Variants in ITSN1 observed in about 807,000 individuals in gnomAD.
ITSN1 encodes intersectin-1.
In ITSN1, 58 loss-of-function variants were observed where a neutral mutation model predicts 239.8. That is an observed-to-expected ratio of 0.24 (90% CI 0.20 to 0.30). The LOEUF is 0.30. Among genes scored for constraint, ITSN1 ranks in the 10% least tolerant of loss-of-function variants. The probability of loss-of-function intolerance (pLI) is 1.00; values close to 1 mark genes in which losing one functional copy is unlikely to be tolerated. For missense variants in ITSN1, 1,558 were observed against 2,103.3 expected, an observed-to-expected ratio of 0.74 and a Z score of 5.07; for synonymous variants, 780 against 770.8, an observed-to-expected ratio of 1.01 and a Z score of -0.20.
At chr21:33,851,490 C>T (rs891361722) in intron 29 of ITSN1, among the ~76,000 whole-genome samples, 20 of 151,794 alleles carry the variant, frequency 1.3e-4, no homozygotes, top group Admixed American at 3.3e-4. Context: ...CCTCCACCTC[C>T]TGGGTTCAAG....
chr21:33,683,654 T>G (rs751094061), intron 1 of ITSN1, among the ~76,000 whole-genome samples: 1 of 152,212 alleles, frequency 6.6e-6, no homozygotes, highest in East Asian at 1.9e-4. Context: ...ATTGAATTCC[T>G]TATAAATATG....
At chr21:33,685,689 T>G (rs1197051167) in intron 1 of ITSN1, among the ~76,000 whole-genome samples, 1 of 152,124 alleles carries the variant, frequency 6.6e-6, no homozygotes, top group African/African-American at 2.4e-5. Context: ...ACTCATTCTT[T>G]GTTGTTAAAC....
In ITSN1 at chr21:33,647,021, C is replaced by T. The variant is rs553586044; in HGVS notation, c.-33+4308C>T. Among the ~76,000 whole-genome samples, 15 of 151,882 alleles carry T rather than the reference C, an allele frequency of 9.9e-5. No individual in the cohort carries two copies. The South Asian group carries it at 3.1e-3, about 32-fold the overall frequency. ...GAAAAAAAAAAGTTTATTGCTAACT[C>T]CTTGGTACTATGTATAATTTTTTTA... On this transcript the variant is annotated intron_variant, in intron 1 of 39. Coordinates refer to ENST00000381318, the MANE Select transcript of ITSN1 (RefSeq NM_003024.3).
intron 31 of ITSN1, among the ~76,000 whole-genome samples, chr21:33,863,345 C>T (rs771063203): frequency 6.6e-6 from 1 of 152,196 alleles, no homozygotes; most frequent in Non-Finnish European, 1.5e-5. Context: ...TCTCCTTCAT[C>T]CTTTAATAAA....
At chr21:33,867,379 T>C (rs373083395) in intron 33 of ITSN1, 48 bp downstream of exon 33, 1 of 1,025,800 alleles carries the variant, frequency 9.7e-7, no homozygotes, top group African/African-American at 1.6e-5. Context: ...TTTCTCTGCA[T>C]TGGAGAGGGC....
intron 39 of ITSN1, among the ~76,000 whole-genome samples, chr21:33,887,922 A>C (rs1316925632): frequency 2.0e-5 from 3 of 149,134 alleles, no homozygotes; most frequent in East Asian, 2.0e-4. Flanking sequence ...TCTAATTCTG[A>C]GAGATAAAGG....
At chr21:33,858,092 T>A (rs1435343049) in intron 30 of ITSN1, among the ~76,000 whole-genome samples, 1 of 152,078 alleles carries the variant, frequency 6.6e-6, no homozygotes. Flanking sequence ...GAGGGGCTCA[T>A]TCATTTTCCA....
intron 8 of ITSN1, among the ~76,000 whole-genome samples, chr21:33,761,338 A>G (rs1351833663): frequency 6.6e-6 from 1 of 151,884 alleles, no homozygotes; most frequent in Non-Finnish European, 1.5e-5. Context: ...GAATGCTGGG[A>G]TTACAGGCAC....
intron 29 of ITSN1, among the ~76,000 whole-genome samples, chr21:33,844,646 C>G (rs1349281241): frequency 1.3e-5 from 2 of 152,036 alleles, no homozygotes; most frequent in East Asian, 3.9e-4. Flanking sequence ...GTGTGCACCC[C>G]CAAGATGCCT....
chr21:33,816,427 A>G (rs1399826836), intron 22 of ITSN1, among the ~76,000 whole-genome samples: 1 of 152,180 alleles, frequency 6.6e-6, no homozygotes, highest in Non-Finnish European at 1.5e-5. Context: ...GCTAAACTTT[A>G]ATAGCCTTTT....
intron 1 of ITSN1, among the ~76,000 whole-genome samples, chr21:33,679,641 G>GA (rs2146494869): frequency 6.7e-6 from 1 of 148,896 alleles, no homozygotes; most frequent in South Asian, 2.1e-4. Context: ...TTTTTGCCTT[G>GA]AAAGGCTTAT....
At chr21:33,709,144 C>G (rs991297245) in intron 1 of ITSN1, among the ~76,000 whole-genome samples, 8 of 152,108 alleles carry the variant, frequency 5.3e-5, no homozygotes. Context: ...ATCAGCTTGC[C>G]GATTTCTGCC....
chr21:33,844,974 C>T (rs1209676586), intron 29 of ITSN1, among the ~76,000 whole-genome samples: 2 of 152,078 alleles, frequency 1.3e-5, no homozygotes, highest in African/African-American at 4.8e-5. Flanking sequence ...CTGTGTGGCC[C>T]ATGAGCCCAG....
Position 33,765,501 on chromosome 21 carries a change from T to A in ITSN1, c.789-374T>A, listed in dbSNP as rs370770939. ...GATCATGACTGCAGTGAGTCTGCAG[T>A]GAGCTGTGATCATGACTGCAGTGAG... On this transcript the variant is annotated intron_variant, in intron 9 of 39. Coordinates refer to ENST00000381318, the MANE Select transcript of ITSN1 (RefSeq NM_003024.3). Among the ~76,000 whole-genome samples, 24 of 152,248 alleles carry A rather than the reference T, an allele frequency of 1.6e-4. No homozygotes were observed. The South Asian group carries it at 4.6e-3, about 29-fold the overall frequency.
chr21:33,725,407 T>G (rs2065769534), intron 4 of ITSN1, among the ~76,000 whole-genome samples: 1 of 152,072 alleles, frequency 6.6e-6, no homozygotes, highest in Non-Finnish European at 1.5e-5. Flanking sequence ...GTGCTGGGAT[T>G]ACAGGCGTGA....
At chr21:33,768,123 C>G (rs910682181) in intron 11 of ITSN1, among the ~76,000 whole-genome samples, 1 of 152,098 alleles carries the variant, frequency 6.6e-6, no homozygotes, top group East Asian at 1.9e-4. Flanking sequence ...GAATATACAG[C>G]ACTAAAAACT....
chr21:33,692,629 T>A (rs2091599739), intron 1 of ITSN1, among the ~76,000 whole-genome samples: 1 of 152,182 alleles, frequency 6.6e-6, no homozygotes, highest in African/African-American at 2.4e-5. Context: ...ATAACTTCTT[T>A]TACATCAAAT....
At chr21:33,767,512 C>T (rs1057397584) in intron 10 of ITSN1, among the ~76,000 whole-genome samples, 1 of 152,174 alleles carries the variant, frequency 6.6e-6, no homozygotes, top group Non-Finnish European at 1.5e-5. Context: ...TTAAGCTTGG[C>T]ACTCAGAGTC....
intron 8 of ITSN1, among the ~76,000 whole-genome samples, chr21:33,758,017 C>G (rs1431606244): frequency 2.0e-5 from 3 of 152,082 alleles, no homozygotes; most frequent in Non-Finnish European, 4.4e-5. Context: ...GCAGGGACTA[C>G]AGGCGTGCAT....
Sources: gnomAD v4.1 joint callset for allele counts (sites outside exome capture counted in the v4.1 genomes callset) on GRCh38, gnomAD v4.1.1 for gene constraint, MANE v1.5 for transcripts, NCBI Gene and HGNC (gene_info 2026-07-23, HGNC 2026-07-21) for gene names.